The following OR4S2 variants were observed in gnomAD, a reference collection of about 807,000 sequenced individuals.
OR4S2 encodes olfactory receptor family 4 subfamily S member 2.
OR4S2 carries 16 observed loss-of-function variants against 15.1 expected under a neutral mutation model. The observed-to-expected ratio is 1.06, with a 90% confidence interval of 0.72 to 1.61. The LOEUF (loss-of-function observed/expected upper bound fraction) is 1.61, where lower values mean the gene tolerates loss of function less well. OR4S2 is among the 40% of genes most tolerant of loss of function. OR4S2 has a pLI of 0.00. For missense variants in OR4S2, 362 were observed against 379.6 expected, an observed-to-expected ratio of 0.95 and a Z score of 0.38; for synonymous variants, 133 against 136.3, an observed-to-expected ratio of 0.98 and a Z score of 0.17.
chr11:55,651,645 T>G lies in OR4S2; in HGVS notation c.742T>G (p.Phe248Val). 6.7e-7 allele frequency: 1 copy of G among 1,492,144 alleles called. No individual in the cohort carries two copies. 92.4% of individuals were successfully genotyped at this position (1,492,144 alleles called of 1,614,324 possible). A position where few individuals can be genotyped will look rare whatever the true frequency, so the allele number is the denominator to read the frequency against. ...CGSHIAMVVI[F>V]FGPCTFMYMR... is the part of the protein sequence containing the mutation. ...CTCCCACATTGCCATGGTCGTTATC[T>G]TTTTCGGCCCCTGTACTTTTATGTA... is the stretch of plus-strand genomic sequence containing the variant. The change falls in exon 2 of 2, where the codon TTT becomes GTT. Residue 248 changes from phenylalanine to valine, a missense_variant. Coordinates refer to ENST00000641692, the MANE Select transcript of OR4S2 (RefSeq NM_001004059.3).
At chr11:55,648,741 A>G (rs1435174204) in intron 1 of OR4S2, among the ~76,000 whole-genome samples, 191 bp downstream of exon 1, 1 of 137,898 alleles carries the variant, frequency 7.3e-6, no homozygotes, top group East Asian at 2.4e-4. Context: ...GAAGGGTAGG[A>G]TGGACACAAA....
At position 55,649,309 on chromosome 11, in the gene OR4S2, A is replaced by G. The variant is rs996545399; in HGVS notation, c.-37+759A>G. Among the ~76,000 whole-genome samples the G allele has an allele frequency of 1.4e-5, 2 of 138,648 alleles. 1 individual carries two copies. Among genetic ancestry groups the G allele is most frequent in the African/African-American group, 5.0e-5 (2 of 39,908 alleles). The allele number at this position is 138,648 out of a possible 152,430, so 91.0% of individuals were successfully genotyped here. A position where few individuals can be genotyped will look rare whatever the true frequency, so the allele number is the denominator to read the frequency against. On this transcript the variant is annotated intron_variant, in intron 1 of 1. Coordinates refer to ENST00000641692, the MANE Select transcript of OR4S2 (RefSeq NM_001004059.3). ...TCTTACAATCATTATTTTGTAATGC[A>G]CAAGAGATAGCACACCTGTAATGAC...
Position 55,648,446 on chromosome 11 carries a change from AGGAATTCCCTAGGCATCACTG to A in OR4S2, c.-140_-120del, listed in dbSNP as rs1163147316. 1 of 137,716 alleles carries A rather than the reference AGGAATTCCCTAGGCATCACTG, an allele frequency of 7.3e-6. No homozygotes were observed. Among genetic ancestry groups the A allele is most frequent in the Admixed American group, 8.0e-5 (1 of 12,546 alleles). The allele number at this position is 137,716 out of a possible 1,614,324, so 8.5% of individuals were successfully genotyped here. On this transcript the variant is annotated 5_prime_UTR_variant, in exon 1 of 2. Transcript: ENST00000641692. ...ATTTTCCGGTACTAATTATTCACAA[AGGAATTCCCTAGGCATCACTG>A]TTACTTTACCTTGGGAAGCTGCACC...
At position 55,650,446 on chromosome 11, in the gene OR4S2, C is replaced by A. The variant is rs1172647050; in HGVS notation, c.-36-422C>A. 1.4e-5 allele frequency among the ~76,000 whole-genome samples: 2 copies of A among 138,922 alleles called. 1 individual carries two copies. The highest frequency in any genetic ancestry group is 1.6e-4 in the Admixed American group (2 of 12,782). The allele number at this position is 138,922 out of a possible 152,430, so 91.1% of individuals were successfully genotyped here. On this transcript the variant is annotated intron_variant, in intron 1 of 1. Transcript: ENST00000641692. The stretch of plus-strand genomic sequence containing the variant: ...AAGGTGAAATGTGGGCGTATGTTTT[C>A]ACTTATGGGTCAAAAATAAAGCAAT...
rs938068005 is a variant in OR4S2, at chr11:55,648,428, G to A, written c.-159G>A. The A allele has an allele frequency of 1.0e-4, 14 of 136,978 alleles. 4 individuals carry two copies. The highest frequency in any genetic ancestry group is 1.6e-4 in the Admixed American group (2 of 12,448). The allele number at this position is 136,978 out of a possible 1,614,324, so 8.5% of individuals were successfully genotyped here. ...CAGTTTGGGGGGTCAGGTATTTTCC[G>A]GTACTAATTATTCACAAAGGAATTC... On this transcript the variant is annotated 5_prime_UTR_variant, in exon 1 of 2. Transcript: ENST00000641692.
chr11:55,651,226 C>T lies in OR4S2; in HGVS notation c.323C>T (p.Thr108Ile). 1 of 1,475,906 alleles carries T rather than the reference C, an allele frequency of 6.8e-7. No individual in the cohort carries two copies. 91.4% of individuals were successfully genotyped at this position (1,475,906 alleles called of 1,614,324 possible). ...QLFGVHFFGC[T>I]EIFILTVMAY... is the part of the protein sequence containing the mutation. Reference sequence around the variant, plus strand: ...TTTGGAGTACATTTCTTTGGTTGCACTGAGATCTTCATCCTTACTGTAATG... The same window carrying T: ...TTTGGAGTACATTTCTTTGGTTGCATTGAGATCTTCATCCTTACTGTAATG... The change falls in exon 2 of 2, where the codon ACT becomes ATT. Residue 108 changes from threonine to isoleucine, a missense_variant. Physicochemically the swap from Thr to Ile is moderately conservative, Grantham distance 89. Transcript: ENST00000641692.
Position 55,651,812 on chromosome 11 carries a change from T to C in OR4S2, c.909T>C (p.Asn303=). Residue 303 remains asparagine (N), a synonymous_variant, in exon 2 of 2, where the codon AAT becomes AAC. Transcript: ENST00000641692. ...KNAMKKLWGR[N]VFLEAKGK ...CAATGAAGAAACTGTGGGGCAGAAA[T>C]GTTTTCTTGGAGGCTAAAGGGAAAT... 3 of 1,437,090 alleles carry C rather than the reference T, an allele frequency of 2.1e-6. No homozygotes were observed. The highest frequency in any genetic ancestry group is 1.2e-5 in the South Asian group (1 of 82,270). The allele number at this position is 1,437,090 out of a possible 1,614,324, so 89.0% of individuals were successfully genotyped here. A position where few individuals can be genotyped will look rare whatever the true frequency, so the allele number is the denominator to read the frequency against.
In OR4S2 at chr11:55,649,264, C is replaced by T. The variant is rs1472300102; in HGVS notation, c.-37+714C>T. 1.4e-5 allele frequency among the ~76,000 whole-genome samples: 2 copies of T among 138,348 alleles called. 1 individual carries two copies. Among genetic ancestry groups the T allele is most frequent in the Non-Finnish European group, 3.2e-5 (2 of 62,112 alleles). 90.8% of individuals were successfully genotyped at this position (138,348 alleles called of 152,430 possible). ...GCAGGGGATGTGCTTGAGACTGTAT[C>T]TAAATCATATTACTATTACTCTTAC... On this transcript the variant is annotated intron_variant, in intron 1 of 1. Coordinates refer to ENST00000641692, the MANE Select transcript of OR4S2 (RefSeq NM_001004059.3).
chr11:55,648,764 A>G (rs1401740616), intron 1 of OR4S2, among the ~76,000 whole-genome samples: 1 of 137,556 alleles, frequency 7.3e-6, no homozygotes, highest in Non-Finnish European at 1.6e-5. Context: ...AGAAAATGTC[A>G]ATAATTTCAA....
Position 55,651,047 on chromosome 11 carries a change from C to T in OR4S2, c.144C>T (p.Cys48=). ...ATCTCCTCATCATGCTGACAGTTTG[C>T]CTGAGCAACCTGTTTAAGTCACCCA... ...LGNLLIMLTV[C]LSNLFKSPMY... Residue 48 remains cysteine, a synonymous_variant, in exon 2 of 2, where the codon TGC becomes TGT. Transcript: ENST00000641692. The T allele has an allele frequency of 1.4e-6, 2 of 1,479,146 alleles. 1 individual carries two copies. Among genetic ancestry groups the T allele is most frequent in the Non-Finnish European group, 1.8e-6 (2 of 1,085,102 alleles). 91.6% of individuals were successfully genotyped at this position (1,479,146 alleles called of 1,614,324 possible).
rs1858581666 is a variant in OR4S2 at position 55,652,452 on chromosome 11, T to C, written c.*613T>C. 1.4e-5 allele frequency: 2 copies of C among 138,516 alleles called. 1 individual carries two copies. Among genetic ancestry groups the C allele is most frequent in the South Asian group, 4.7e-4 (2 of 4,236 alleles). 8.6% of individuals were successfully genotyped at this position (138,516 alleles called of 1,614,324 possible). The stretch of plus-strand genomic sequence containing the variant: ...TCATAGTTCACACTGTAGATTTCAC[T>C]TATCCTTGTGCATGCGTGTTTCATC... On this transcript the variant is annotated 3_prime_UTR_variant, in exon 2 of 2. Transcript: ENST00000641692.
At position 55,649,887 on chromosome 11, in the gene OR4S2, C is replaced by T. The variant is rs1197453050; in HGVS notation, c.-36-981C>T. The stretch of plus-strand genomic sequence containing the variant: ...TAGAAAAATGTTTAAAAATACAAAG[C>T]AAAGTCAGTCCTGGAAAATCCTAAA... On this transcript the variant is annotated intron_variant, in intron 1 of 1. Coordinates refer to ENST00000641692, the MANE Select transcript of OR4S2 (RefSeq NM_001004059.3). 1.4e-5 allele frequency among the ~76,000 whole-genome samples: 2 copies of T among 138,726 alleles called. 1 individual carries two copies. The highest frequency in any genetic ancestry group is 3.2e-5 in the Non-Finnish European group (2 of 62,324). 91.0% of individuals were successfully genotyped at this position (138,726 alleles called of 152,430 possible).
chr11:55,649,857 G>A (rs1256367483), intron 1 of OR4S2, among the ~76,000 whole-genome samples: 2 of 138,762 alleles, frequency 1.4e-5, no homozygotes, highest in African/African-American at 2.5e-5. Flanking sequence ...CTTCGTTTCA[G>A]TTAATAGAAA....
rs1437025230 is a variant in OR4S2, at chr11:55,649,047, C to T, written c.-37+497C>T. 1.3e-4 allele frequency among the ~76,000 whole-genome samples: 18 copies of T among 136,042 alleles called. 1 individual carries two copies. The highest frequency in any genetic ancestry group is 3.0e-4 in the African/African-American group (12 of 39,532). The allele number at this position is 136,042 out of a possible 152,430, so 89.2% of individuals were successfully genotyped here. The stretch of plus-strand genomic sequence containing the variant: ...TTCCTCTAGAACCTTGTGATATGGA[C>T]GGTAGGGGAAAAAATCCTCAGGCTT... On this transcript the variant is annotated intron_variant, in intron 1 of 1. Coordinates refer to ENST00000641692, the MANE Select transcript of OR4S2 (RefSeq NM_001004059.3).
At chr11:55,649,838 A>C (rs996514216) in intron 1 of OR4S2, among the ~76,000 whole-genome samples, 1 of 138,644 alleles carries the variant, frequency 7.2e-6, no homozygotes, top group African/African-American at 2.5e-5. Flanking sequence ...TCTTTTTTAC[A>C]CCCATTTTCT....
At position 55,650,487 on chromosome 11, in the gene OR4S2, G is replaced by T. The variant is rs559203057; in HGVS notation, c.-36-381G>T. On this transcript the variant is annotated intron_variant, in intron 1 of 1. Transcript: ENST00000641692. ...ATAAAGCAATCATTTCCAGATATTT[G>T]CCAGTAGATAACATAGATGTTACCA... 2.9e-5 allele frequency among the ~76,000 whole-genome samples: 4 copies of T among 138,784 alleles called. 2 individuals are homozygous for T. The East Asian group carries it at 9.4e-4, about 33-fold the overall frequency. The allele number at this position is 138,784 out of a possible 152,430, so 91.0% of individuals were successfully genotyped here. A position where few individuals can be genotyped will look rare whatever the true frequency, so the allele number is the denominator to read the frequency against.
chr11:55,651,513 A>G lies in OR4S2; in HGVS notation c.610A>G (p.Ile204Val). The G allele has an allele frequency of 6.7e-7, 1 of 1,488,304 alleles. No homozygotes were observed. The highest frequency in any genetic ancestry group is 1.9e-4 in the Middle Eastern group (1 of 5,296). 92.2% of individuals were successfully genotyped at this position (1,488,304 alleles called of 1,614,324 possible). Residue 204 changes from isoleucine (I) to valine (V), a missense_variant, in exon 2 of 2, where the codon ATT becomes GTT. Ile to Val is a conservative substitution (Grantham distance 29, BLOSUM62 3). Transcript: ENST00000641692. ...GVVVTANSGT[I>V]ALGSFVILLI... ...TGTTGTGACAGCCAACAGTGGTACC[A>G]TTGCTCTGGGGAGTTTTGTTATCTT...
Position 55,651,688 on chromosome 11 carries a change from C to A in OR4S2, c.785C>A (p.Thr262Asn). 6 of 1,488,948 alleles carry A rather than the reference C, an allele frequency of 4.0e-6. 2 individuals carry two copies. The highest frequency in any genetic ancestry group is 1.2e-5 in the South Asian group (1 of 84,842). 92.2% of individuals were successfully genotyped at this position (1,488,948 alleles called of 1,614,324 possible). Residue 262 changes from threonine (T) to asparagine (N), a missense_variant, in exon 2 of 2, where the codon ACC becomes AAC. Physicochemically the swap from Thr to Asn is moderately conservative, Grantham distance 65 (BLOSUM62 0). Coordinates refer to ENST00000641692, the MANE Select transcript of OR4S2 (RefSeq NM_001004059.3). ...TTTATGTACATGCGCCCTGATACGA[C>A]CTTTTCAGAGGATAAGATGGTGGCT... is the stretch of plus-strand genomic sequence containing the variant. ...CTFMYMRPDT[T>N]FSEDKMVAVF...
rs113324626 is a variant in OR4S2 at position 55,651,534 on chromosome 11, A to T, written c.631A>T (p.Ile211Phe). 245 of 1,492,068 alleles carry T rather than the reference A, an allele frequency of 1.6e-4. 29 individuals carry two copies. In the African/African-American group the frequency reaches 2.9e-3, roughly 17 times the overall value. The allele number at this position is 1,492,068 out of a possible 1,614,324, so 92.4% of individuals were successfully genotyped here. A position where few individuals can be genotyped will look rare whatever the true frequency, so the allele number is the denominator to read the frequency against. Residue 211 changes from isoleucine to phenylalanine, a missense_variant, in exon 2 of 2, where the codon ATC becomes TTC. Coordinates refer to ENST00000641692, the MANE Select transcript of OR4S2 (RefSeq NM_001004059.3). Reference protein sequence around the residue: ...SGTIALGSFVILLISYSIILV... With the variant: ...SGTIALGSFVFLLISYSIILV... The stretch of plus-strand genomic sequence containing the variant: ...TACCATTGCTCTGGGGAGTTTTGTT[A>T]TCTTGCTAATCTCCTACAGCATCAT...
Sources: gnomAD v4.1 joint callset for allele counts (sites outside exome capture counted in the v4.1 genomes callset) on GRCh38, gnomAD v4.1.1 for gene constraint, MANE v1.5 for transcripts, NCBI Gene and HGNC (gene_info 2026-07-23, HGNC 2026-07-21) for gene names.